The following SNTG2 variants were observed in gnomAD, a reference collection of about 807,000 sequenced individuals.
The protein encoded by SNTG2 is syntrophin gamma 2.
A neutral mutation model predicts 70.9 loss-of-function variants in SNTG2; 74 were observed. The ratio of observed to expected loss-of-function variants is 1.04; its 90% confidence interval spans 0.86 to 1.27. SNTG2 has a LOEUF of 1.27. SNTG2 is among the 50% of genes most tolerant of loss of function. The pLI is 0.00. For synonymous variants in SNTG2, 278 were observed against 273.8 expected (o/e 1.02, Z -0.15); for missense variants, 717 against 690.7 (o/e 1.04, Z -0.43).
intron 4 of SNTG2, among the ~76,000 whole-genome samples, chr2:1,112,783 T>C (rs1479875671): frequency 6.6e-6 from 1 of 151,408 alleles, no homozygotes; most frequent in Non-Finnish European, 1.5e-5. Context: ...GAGGATCGTG[T>C]GTACTAAGTG....
chr2:1,171,236 T>C (rs1351728759), intron 7 of SNTG2, among the ~76,000 whole-genome samples: 1 of 152,170 alleles, frequency 6.6e-6, no homozygotes, highest in Non-Finnish European at 1.5e-5. Flanking sequence ...AGATACCTAT[T>C]CATCAGAAAT....
intron 1 of SNTG2, among the ~76,000 whole-genome samples, chr2:1,073,572 TATCGCAA>T: frequency 6.6e-6 from 1 of 152,258 alleles, no homozygotes; most frequent in East Asian, 1.9e-4. Flanking sequence ...TGACTTGCAT[TATCGCAA>T]TATCCACTTG....
intron 9 of SNTG2, among the ~76,000 whole-genome samples, chr2:1,211,965 T>C (rs572144169): frequency 2.6e-5 from 4 of 152,276 alleles, no homozygotes; most frequent in African/African-American, 7.2e-5. Flanking sequence ...ACCACAATCA[T>C]TGGGATAAAT....
chr2:1,070,695 T>C (rs958797981), intron 1 of SNTG2, among the ~76,000 whole-genome samples: 4 of 152,150 alleles, frequency 2.6e-5, no homozygotes, highest in African/African-American at 9.7e-5. Context: ...TAGCCGCACG[T>C]TGAGAGTTAC....
At chr2:1,180,809 G>A (rs995989635) in intron 8 of SNTG2, among the ~76,000 whole-genome samples, 1 of 151,894 alleles carries the variant, frequency 6.6e-6, no homozygotes, top group Non-Finnish European at 1.5e-5. Context: ...CGAAGACTTG[G>A]AACCAACCCA....
chr2:1,138,160 T>C (rs1399477517), intron 6 of SNTG2, among the ~76,000 whole-genome samples: 1 of 152,208 alleles, frequency 6.6e-6, no homozygotes, highest in East Asian at 1.9e-4. Flanking sequence ...TGTCAGGGCT[T>C]CACAGGGTCT....
chr2:1,071,352 G>A (rs74435788), intron 1 of SNTG2, among the ~76,000 whole-genome samples: 1 of 150,272 alleles, frequency 6.7e-6, no homozygotes, highest in Non-Finnish European at 1.5e-5. Flanking sequence ...TCCTTTGTAG[G>A]GACATGGATG....
At chr2:1,166,532 C>G (rs766164390) in intron 7 of SNTG2, among the ~76,000 whole-genome samples, 19 of 152,144 alleles carry the variant, frequency 1.2e-4, no homozygotes, top group Non-Finnish European at 2.9e-5. Flanking sequence ...CCGAGTGGCC[C>G]GGCTGTAGCT....
chr2:1,069,339 G>GA (rs36036888), intron 1 of SNTG2, among the ~76,000 whole-genome samples: 21,194 of 142,588 alleles, frequency 0.15, 1,635 homozygotes, highest in Middle Eastern at 0.24. Context: ...TTATATAAAT[G>GA]AAAAAAAAAA....
chr2:1,074,067 A>T (rs970409488), intron 1 of SNTG2, among the ~76,000 whole-genome samples: 1 of 152,222 alleles, frequency 6.6e-6, no homozygotes. Context: ...CCGCCCAGAT[A>T]GGTTCCCAGA....
intron 9 of SNTG2, among the ~76,000 whole-genome samples, chr2:1,222,129 C>CTGTCTCTGTCTCTCTCTCTGTCTCTG (rs1209807504): frequency 1.0e-5 from 1 of 97,850 alleles, no homozygotes; most frequent in Non-Finnish European, 2.2e-5. Context: ...CTCTCTGTCT[C>CTGTCTCTGTCTCTCTCTCTGTCTCTG]TCTCTGTCTC....
In SNTG2 at chr2:1,239,756, T is replaced by C. The variant is rs1676928570; in HGVS notation, c.868T>C (p.Cys290Arg). The C allele has an allele frequency of 3.1e-6, 5 of 1,613,416 alleles. No individual in the cohort carries two copies. The highest frequency in any genetic ancestry group is 2.7e-5 in the African/African-American group (2 of 74,938). Reference protein sequence around the residue: ...TLQNMKMANKCCSPSDQVVHM... With the variant: ...TLQNMKMANKRCSPSDQVVHM... ...TCCACAGATGAAGATGGCGAACAAA[T>C]GCTGCTCTCCTTCCGACCAGGTAGG... The change falls in exon 11 of 17, where the codon TGC (cysteine) becomes CGC (arginine). Residue 290 changes from cysteine (C) to arginine (R), a missense_variant. By Grantham distance (180) the Cys-to-Arg change is radical. Coordinates refer to ENST00000308624, the MANE Select transcript of SNTG2 (RefSeq NM_018968.4).
intron 1 of SNTG2, among the ~76,000 whole-genome samples, chr2:1,037,531 C>A (rs76964908): frequency 0.037 from 5,666 of 152,202 alleles, 124 homozygotes; most frequent in South Asian, 0.06. Flanking sequence ...CCCTGGCCAC[C>A]AGGGACCTGC....
intron 13 of SNTG2, chr2:1,262,998 G>A (rs1458854980): frequency 6.6e-6 from 1 of 152,238 alleles, no homozygotes; most frequent in African/African-American, 2.4e-5. Flanking sequence ...CTGGGGAAAT[G>A]AGCTATATAT....
chr2:965,483 T>A (rs528039454), intron 1 of SNTG2, among the ~76,000 whole-genome samples: 1 of 150,988 alleles, frequency 6.6e-6, no homozygotes, highest in South Asian at 2.1e-4. Flanking sequence ...GACTTGGTCC[T>A]CCTCCTTGAT....
intron 1 of SNTG2, among the ~76,000 whole-genome samples, chr2:1,036,963 G>A (rs922198665): frequency 1.3e-5 from 2 of 150,242 alleles, no homozygotes; most frequent in Non-Finnish European, 2.9e-5. Context: ...CACATCATGT[G>A]CTGCCAGACC....
intron 8 of SNTG2, among the ~76,000 whole-genome samples, chr2:1,173,681 C>T: frequency 6.6e-6 from 1 of 152,350 alleles, no homozygotes; most frequent in East Asian, 1.9e-4. Flanking sequence ...CCTCCTCCCT[C>T]AGAAGCCTGG....
At chr2:1,104,224 G>A (rs1665975503) in intron 4 of SNTG2, among the ~76,000 whole-genome samples, 1 of 152,144 alleles carries the variant, frequency 6.6e-6, no homozygotes, top group Non-Finnish European at 1.5e-5. Context: ...AGTGCAATGT[G>A]GTTACGACGT....
chr2:1,253,507 C>T (rs955156247), intron 12 of SNTG2, among the ~76,000 whole-genome samples: 9 of 152,076 alleles, frequency 5.9e-5, no homozygotes, highest in African/African-American at 1.7e-4. Flanking sequence ...CAGCAGTCTA[C>T]GTCAGAAAAT....
Sources: allele counts gnomAD v4.1 joint callset (sites outside exome capture counted in the v4.1 genomes callset), GRCh38; gene constraint gnomAD v4.1.1; transcripts MANE v1.5; gene names NCBI Gene and HGNC (gene_info 2026-07-23, HGNC 2026-07-21).